LRFN2: variants seen among roughly 807,000 people sequenced by gnomAD.
LRFN2 encodes leucine rich repeat and fibronectin type III domain containing 2.
Under a neutral mutation model 37.3 loss-of-function variants are expected in LRFN2, and 18 were observed. The observed-to-expected ratio is 0.48, with a 90% CI of 0.33 to 0.72. The LOEUF is 0.72. Ranked by LOEUF, LRFN2 falls within the 30% of genes least tolerant of loss-of-function variation. LRFN2 has a pLI of 0.02. For missense variants in LRFN2, 1,006 were observed against 1,060.7 expected, an observed-to-expected ratio of 0.95 and a Z score of 0.72; for synonymous variants, 556 against 466.6, an observed-to-expected ratio of 1.19 and a Z score of -2.47.
At chr6:40,570,902 C>T (rs1262401308) in intron 1 of LRFN2, among the ~76,000 whole-genome samples, 3 of 152,208 alleles carry the variant, frequency 2.0e-5, no homozygotes, top group African/African-American at 7.2e-5. Context: ...AGGGCCAGTG[C>T]CTGGCAGGCC....
intron 1 of LRFN2, among the ~76,000 whole-genome samples, chr6:40,578,329 A>T (rs960728989): frequency 5.9e-5 from 9 of 152,182 alleles, no homozygotes; most frequent in African/African-American, 2.2e-4. Context: ...TCCTGAACTT[A>T]TCAGCTATCA....
chr6:40,520,933 G>A (rs961883109), intron 1 of LRFN2, among the ~76,000 whole-genome samples: 1 of 152,146 alleles, frequency 6.6e-6, no homozygotes, highest in African/African-American at 2.4e-5. Flanking sequence ...TCCCAGGCAA[G>A]CTGAGAGTTA....
rs76374255 is a variant in LRFN2 at position 40,582,312 on chromosome 6, C to T, written c.-19+4629G>A. Among the ~76,000 whole-genome samples, 333 of 151,820 alleles carry T rather than the reference C, an allele frequency of 2.2e-3. 1 individual carries two copies. Among genetic ancestry groups the T allele is most frequent in the African/African-American group, 7.7e-3 (320 of 41,422 alleles). ...TGCTGGTGGGTGAATTAATATAGGA[C>T]ATGCCAATAATAAATGCAGTGAAAT... On this transcript the variant is annotated intron_variant, in intron 1 of 2. Transcript: ENST00000338305.
intron 1 of LRFN2, among the ~76,000 whole-genome samples, chr6:40,559,492 G>A (rs780325596): frequency 1.3e-5 from 2 of 152,148 alleles, no homozygotes; most frequent in Non-Finnish European, 2.9e-5. Flanking sequence ...AGGCTAAGCT[G>A]GCCAGGAGAG....
intron 2 of LRFN2, among the ~76,000 whole-genome samples, chr6:40,428,933 G>A (rs1344059637): frequency 6.6e-6 from 1 of 152,104 alleles, no homozygotes. Flanking sequence ...TGTGATGCTA[G>A]TCTTATTTTA....
At chr6:40,413,868 G>A (rs1432170860) in intron 2 of LRFN2, among the ~76,000 whole-genome samples, 2 of 152,176 alleles carry the variant, frequency 1.3e-5, no homozygotes, top group African/African-American at 4.8e-5. Flanking sequence ...GGGTGGGTCT[G>A]GTTCAGTCTC....
At chr6:40,462,372 G>A (rs1295351897) in intron 1 of LRFN2, among the ~76,000 whole-genome samples, 1 of 152,088 alleles carries the variant, frequency 6.6e-6, no homozygotes, top group African/African-American at 2.4e-5. Flanking sequence ...TACCCTCTTG[G>A]CTTTGGCTGA....
chr6:40,392,195 G>T lies in LRFN2; in HGVS notation c.2118C>A (p.Ala706=). The T allele has an allele frequency of 6.3e-7, 1 of 1,578,828 alleles. No homozygotes were observed. The change falls in exon 3 of 3, where the codon GCC becomes GCA. Residue 706 remains alanine (A), a synonymous_variant. Transcript: ENST00000338305. The surrounding 1 kb of genome is among the most constrained non-coding windows in gnomAD (Gnocchi z 4.7). The part of the protein sequence containing the change: ...EPLLGPPAAR[A]RSLLPLPLEG... ...CCAACGGCAAGGGGAGCAGGCTCCT[G>T]GCCCGGGCCGCAGGGGGCCCCAGCA...
At chr6:40,576,899 C>T (rs150468578) in intron 1 of LRFN2, among the ~76,000 whole-genome samples, 174 of 152,016 alleles carry the variant, frequency 1.1e-3, no homozygotes, top group African/African-American at 3.7e-3. Flanking sequence ...CATAGTCCCA[C>T]ACCAACCCTC....
intron 1 of LRFN2, among the ~76,000 whole-genome samples, chr6:40,480,921 G>A (rs1764812497): frequency 6.6e-6 from 1 of 152,182 alleles, no homozygotes. Context: ...ATTCATAATA[G>A]CTAAGATGGA....
chr6:40,425,191 C>G (rs758892759), intron 2 of LRFN2, among the ~76,000 whole-genome samples: 1 of 152,170 alleles, frequency 6.6e-6, no homozygotes, highest in African/African-American at 2.4e-5. Flanking sequence ...AGATAGGGCG[C>G]GACAGGGGCT....
chr6:40,561,129 G>A (rs1183363433), intron 1 of LRFN2, among the ~76,000 whole-genome samples: 1 of 152,190 alleles, frequency 6.6e-6, no homozygotes, highest in African/African-American at 2.4e-5. Context: ...GGGCCATGAG[G>A]TGGCACTAGG....
chr6:40,569,335 CA>C (rs1166365354), intron 1 of LRFN2, among the ~76,000 whole-genome samples: 3 of 152,118 alleles, frequency 2.0e-5, no homozygotes, highest in African/African-American at 7.2e-5. Flanking sequence ...TCAGGGCTTT[CA>C]GGGGGTAGGG....
intron 1 of LRFN2, among the ~76,000 whole-genome samples, chr6:40,514,293 ATATGT>A (rs1765794711): frequency 6.6e-6 from 1 of 152,166 alleles, no homozygotes; most frequent in Non-Finnish European, 1.5e-5. Context: ...TATGTAATAC[ATATGT>A]TATATGAGTT....
intron 1 of LRFN2, among the ~76,000 whole-genome samples, chr6:40,559,581 G>A (rs1397703894): frequency 6.6e-6 from 1 of 152,084 alleles, no homozygotes; most frequent in African/African-American, 2.4e-5. Context: ...GGGGCTACCT[G>A]GCCCTTCTAG....
chr6:40,406,984 C>A (rs1762861451), intron 2 of LRFN2, among the ~76,000 whole-genome samples: 1 of 152,202 alleles, frequency 6.6e-6, no homozygotes, highest in Non-Finnish European at 1.5e-5. Context: ...GTGGACACCA[C>A]CCCCTCCCTG....
At chr6:40,548,314 A>G (rs1338016584) in intron 1 of LRFN2, among the ~76,000 whole-genome samples, 1 of 152,118 alleles carries the variant, frequency 6.6e-6, no homozygotes, top group Non-Finnish European at 1.5e-5. Context: ...GGTGGTGGGC[A>G]CCTGTAATTC....
chr6:40,542,792 T>A (rs1401765115), intron 1 of LRFN2, among the ~76,000 whole-genome samples: 1 of 152,146 alleles, frequency 6.6e-6, no homozygotes, highest in Non-Finnish European at 1.5e-5. Flanking sequence ...CTTGAGCCCA[T>A]CCCCAGAGGG....
At position 40,392,032 on chromosome 6, in the gene LRFN2, C is replaced by G; in HGVS notation, c.2281G>C (p.Gly761Arg). The change falls in exon 3 of 3, where the codon GGC becomes CGC. Residue 761 changes from glycine (G) to arginine (R), a missense_variant. By Grantham distance (125) the Gly-to-Arg change is moderately radical. This residue lies in a region of LRFN2 where 398 missense variants were observed against 327.6 expected (regional missense o/e 1.21). Coordinates refer to ENST00000338305, the MANE Select transcript of LRFN2 (RefSeq NM_020737.3). The surrounding 1 kb of genome is among the most constrained non-coding windows in gnomAD (Gnocchi z 4.7). ...CTCTCCTCAAAGGGCAAGAGCATGC[C>G]GTTGACAGAGAGGCTGCGCTTCGTC... ...IWTKRSLSVNGMLLPFEESDL... is the reference protein window; with the variant it reads ...IWTKRSLSVNRMLLPFEESDL... 6.2e-7 allele frequency: 1 copy of G among 1,613,892 alleles called. No homozygotes were observed. The highest frequency in any genetic ancestry group is 8.5e-7 in the Non-Finnish European group (1 of 1,179,922).
Sources: gnomAD v4.1 joint callset for allele counts (sites outside exome capture counted in the v4.1 genomes callset) on GRCh38, gnomAD v4.1.1 for gene constraint, gnomAD v4.1.1 regional missense constraint, Gnocchi (gnomAD v3.1) non-coding constraint, MANE v1.5 for transcripts, NCBI Gene and HGNC (gene_info 2026-07-23, HGNC 2026-07-21) for gene names.